The following CDKN2A variants were observed in gnomAD, a reference collection of about 807,000 sequenced individuals.
CDKN2A encodes the protein cyclin-dependent kinase inhibitor 2A.
A neutral mutation model predicts 11.1 loss-of-function variants in CDKN2A; 3 were observed. The ratio of observed to expected loss-of-function variants is 0.27; its 90% CI spans 0.12 to 0.70. The LOEUF is 0.70. Ranked by LOEUF, CDKN2A falls within the 30% of genes least tolerant of loss-of-function variation. The pLI, the probability that CDKN2A is intolerant of heterozygous loss-of-function variation, is 0.77. For synonymous variants in CDKN2A, 122 were observed against 108.1 expected (o/e 1.13, Z -0.80); for missense variants, 265 against 233.6 (o/e 1.13, Z -0.88).
chr9:21,991,953 A>C lies in CDKN2A; in HGVS notation c.-4+1929T>G. 1 of 982,742 alleles carries C rather than the reference A, an allele frequency of 1.0e-6. No individual in the cohort carries two copies. The highest frequency in any genetic ancestry group is 1.2e-6 in the Non-Finnish European group (1 of 827,446). The allele number at this position is 982,742 out of a possible 1,614,324, so 60.9% of individuals were successfully genotyped here. On this transcript the variant is annotated intron_variant, in intron 2 of 3. Transcript: ENST00000494262. This position sits in a 1 kb window ranked among gnomAD's most constrained non-coding sequence, Gnocchi z 5.2. ...AGCCTTCTGAAGTAGCTATAAACAA[A>C]TGAATATTTAACTTCATAATAAAAA...
rs1466841430 is a variant in CDKN2A at position 21,994,523 on chromosome 9, C to T, written c.-176+298G>A. 12 of 1,288,990 alleles carry T rather than the reference C, an allele frequency of 9.3e-6. No homozygotes were observed. In the South Asian group the frequency reaches 1.5e-4, roughly 16 times the overall value. 79.8% of individuals were successfully genotyped at this position (1,288,990 alleles called of 1,614,324 possible). ...CCCCCCACCTTCACCCCCACCCCCA[C>T]CCCACCCCCACTCCCACCCGGACCT... is the stretch of plus-strand genomic sequence containing the variant. On this transcript the variant is annotated intron_variant, in intron 1 of 3. Transcript: ENST00000494262.
At chr9:21,994,145 T>C (rs1190780216) in intron 1 of CDKN2A, 1 of 1,601,400 alleles carries the variant, frequency 6.2e-7, no homozygotes, top group South Asian at 1.1e-5. Context: ...CTACCTGGTC[T>C]TCTAGGAAGC....
upstream of CDKN2A, among the ~76,000 whole-genome samples, chr9:21,979,490 T>C (rs1010844129): frequency 6.6e-6 from 1 of 152,192 alleles, no homozygotes; most frequent in African/African-American, 2.4e-5. Flanking sequence ...TAGGATATTT[T>C]TGAGGACTTG....
At chr9:21,979,998 GT>G (rs2131123849) in intron 2 of CDKN2A, among the ~76,000 whole-genome samples, 1 of 152,272 alleles carries the variant, frequency 6.6e-6, no homozygotes, top group Non-Finnish European at 1.5e-5. Context: ...TTGGGTTCTG[GT>G]TCTGATGCGG....
At chr9:21,979,357 T>C (rs1178899551), upstream of CDKN2A, among the ~76,000 whole-genome samples, 1 of 152,126 alleles carries the variant, frequency 6.6e-6, no homozygotes, top group Non-Finnish European at 1.5e-5. Context: ...CCCTATGCCA[T>C]GAAGTGAGGC....
intron 2 of CDKN2A, chr9:21,989,423 A>G (rs1396259491): frequency 2.0e-5 from 3 of 152,170 alleles, no homozygotes; most frequent in Admixed American, 1.3e-4. Flanking sequence ...AAGCTGCAAT[A>G]TAAGAAGAAA....
At chr9:21,970,671 AT>A (rs1819663502) in intron 2 of CDKN2A, 4 of 629,204 alleles carry the variant, frequency 6.4e-6, no homozygotes, top group Non-Finnish European at 2.8e-6. Context: ...TTTGGGAAGT[AT>A]AATGTACAAA....
chr9:21,981,072 GTGTA>G (rs1820178364), intron 2 of CDKN2A, among the ~76,000 whole-genome samples: 1 of 46,610 alleles, frequency 2.1e-5, no homozygotes, highest in African/African-American at 8.9e-5. Flanking sequence ...ATATATATAC[GTGTA>G]TATATATATA....
At chr9:21,975,346 T>C (rs1214987356), upstream of CDKN2A, among the ~76,000 whole-genome samples, 1 of 152,044 alleles carries the variant, frequency 6.6e-6, no homozygotes, top group Non-Finnish European at 1.5e-5. Flanking sequence ...TCGGGGTGTT[T>C]GGTGTCATAG....
At chr9:21,975,544 A>T (rs952461474), upstream of CDKN2A, among the ~76,000 whole-genome samples, 2 of 151,750 alleles carry the variant, frequency 1.3e-5, no homozygotes, top group African/African-American at 2.4e-5. Flanking sequence ...TTCCTTTTGG[A>T]GAGTCGGACT....
upstream of CDKN2A, among the ~76,000 whole-genome samples, chr9:21,978,547 T>C (rs1563895366): frequency 6.6e-6 from 1 of 152,198 alleles, no homozygotes; most frequent in Non-Finnish European, 1.5e-5. Flanking sequence ...ATTTACTACA[T>C]TTACTAAATT....
intron 2 of CDKN2A, among the ~76,000 whole-genome samples, chr9:21,981,069 T>TATATAC (rs1820177697): frequency 2.4e-5 from 1 of 41,632 alleles, no homozygotes; most frequent in African/African-American, 7.5e-5. Context: ...TATATATATA[T>TATATAC]ACGTGTATAT....
chr9:21,982,516 C>T (rs2131129520), intron 2 of CDKN2A, among the ~76,000 whole-genome samples: 1 of 151,996 alleles, frequency 6.6e-6, no homozygotes, highest in East Asian at 1.9e-4. Context: ...TGGCGAATTA[C>T]TTATATCTAT....
chr9:21,974,066 T>G lies in CDKN2A; in HGVS notation c.150+612A>C, dbSNP rs1415643133. Among the ~76,000 whole-genome samples the G allele has an allele frequency of 6.6e-6, 1 of 152,112 alleles. No individual in the cohort carries two copies. The highest frequency in any genetic ancestry group is 1.5e-5 in the Non-Finnish European group (1 of 68,012). On this transcript the variant is annotated intron_variant, in intron 1 of 2. Transcript: ENST00000304494. The surrounding 1 kb of genome is among the most constrained non-coding windows in gnomAD (Gnocchi z 5.2). ...CCACCACCCCCGGCTACTTTTTGTA[T>G]TTTTAGTAGAGGCGAGGTTTCACCT... is the stretch of plus-strand genomic sequence containing the variant.
chr9:21,993,188 G>T (rs944493957), intron 2 of CDKN2A, among the ~76,000 whole-genome samples: 1 of 152,120 alleles, frequency 6.6e-6, no homozygotes, highest in Non-Finnish European at 1.5e-5. Context: ...TAAAAGTGAA[G>T]CCTCATTAAA....
At chr9:21,970,554 TA>T in intron 2 of CDKN2A, 1 of 540,830 alleles carries the variant, frequency 1.8e-6, no homozygotes, top group Non-Finnish European at 3.3e-6. Context: ...CAACTGGCCC[TA>T]GTTTGGAGGA....
At position 21,974,560 on chromosome 9, in the gene CDKN2A, C is replaced by G. The variant is rs1361342528; in HGVS notation, c.150+118G>C. ...TTACAAACCCCTTCTGAAAACTCCC[C>G]AGGAAGCCTCCCCTTTTTCCGGAGA... On this transcript the variant is annotated intron_variant, in intron 1 of 2. Transcript: ENST00000304494. This position sits in a 1 kb window ranked among gnomAD's most constrained non-coding sequence, Gnocchi z 5.2. 1 of 1,613,546 alleles carries G rather than the reference C, an allele frequency of 6.2e-7. No individual in the cohort carries two copies. The highest frequency in any genetic ancestry group is 1.1e-5 in the South Asian group (1 of 90,474).
At chr9:21,985,247 T>C (rs1432049923) in intron 2 of CDKN2A, among the ~76,000 whole-genome samples, 1 of 152,034 alleles carries the variant, frequency 6.6e-6, no homozygotes, top group Admixed American at 6.6e-5. Context: ...TACTCTGTAC[T>C]GATTTAAAAC....
upstream of CDKN2A, among the ~76,000 whole-genome samples, chr9:21,976,584 C>A (rs1267991880): frequency 2.6e-5 from 4 of 151,130 alleles, no homozygotes; most frequent in Non-Finnish European, 4.4e-5. Flanking sequence ...GGCTTGGTGG[C>A]GCATGCCTGT....
Sources: gnomAD v4.1 joint callset for allele counts (sites outside exome capture counted in the v4.1 genomes callset) on GRCh38, gnomAD v4.1.1 for gene constraint, Gnocchi (gnomAD v3.1) non-coding constraint, MANE v1.5 for transcripts, NCBI Gene and HGNC (gene_info 2026-07-23, HGNC 2026-07-21) for gene names.